The following FGF12 variants were observed in gnomAD, a reference collection of about 807,000 sequenced individuals.
The protein encoded by FGF12 is fibroblast growth factor 12.
A neutral mutation model predicts 23.6 loss-of-function variants in FGF12; 14 were observed. That is an observed-to-expected ratio of 0.59 (90% confidence interval 0.39 to 0.93). The LOEUF (loss-of-function observed/expected upper bound fraction) is 0.93, where lower values mean the gene tolerates loss of function less well. Ranked by LOEUF, FGF12 falls within the 40% of genes least tolerant of loss-of-function variation. The pLI is 0.00. For synonymous variants in FGF12, 62 were observed against 77.3 expected (o/e 0.80, Z 1.04); for missense variants, 175 against 217.8 (o/e 0.80, Z 1.24).
Position 192,336,630 on chromosome 3 carries a change from A to T in FGF12, c.125-1166T>A, listed in dbSNP as rs1345189611. 6.6e-6 allele frequency among the ~76,000 whole-genome samples: 1 copy of T among 152,192 alleles called. No homozygotes were observed. Among genetic ancestry groups the T allele is most frequent in the Non-Finnish European group, 1.5e-5 (1 of 68,022 alleles). Reference sequence around the variant, plus strand: ...TTCATTTCAGTATCCTGGCTTAATTAGAAGTTCTTATCCACTTTTTCTGTT... The same window carrying T: ...TTCATTTCAGTATCCTGGCTTAATTTGAAGTTCTTATCCACTTTTTCTGTT... On this transcript the variant is annotated intron_variant, in intron 3 of 5. Coordinates refer to ENST00000445105, the MANE Select transcript of FGF12 (RefSeq NM_004113.6). The surrounding 1 kb of genome is among the most constrained non-coding windows in gnomAD (Gnocchi z 4.3).
At chr3:192,593,233 C>T (rs554929214) in intron 2 of FGF12, among the ~76,000 whole-genome samples, 17 of 151,938 alleles carry the variant, frequency 1.1e-4, no homozygotes, top group South Asian at 2.1e-4. Flanking sequence ...CCTCAGGCCT[C>T]TGCACAAGCT....
At chr3:192,176,792 C>T (rs573090003) in intron 4 of FGF12, among the ~76,000 whole-genome samples, 115 of 152,274 alleles carry the variant, frequency 7.6e-4, no homozygotes, top group Admixed American at 2.1e-3. Context: ...AACAACCATT[C>T]ATTTATAGGT....
intron 2 of FGF12, among the ~76,000 whole-genome samples, chr3:192,637,094 C>A (rs1043087537): frequency 9.2e-5 from 14 of 152,200 alleles, no homozygotes; most frequent in Admixed American, 6.5e-5. Flanking sequence ...CTTTATTCTT[C>A]CTTTTATAGC....
intron 2 of FGF12, among the ~76,000 whole-genome samples, chr3:192,454,302 T>A (rs1391341169): frequency 6.6e-6 from 1 of 152,184 alleles, no homozygotes; most frequent in Non-Finnish European, 1.5e-5. Flanking sequence ...CCTCCCAAAG[T>A]GCTGGGATTT....
At chr3:192,538,319 T>A (rs1373598663) in intron 2 of FGF12, among the ~76,000 whole-genome samples, 3 of 152,130 alleles carry the variant, frequency 2.0e-5, no homozygotes, top group African/African-American at 7.2e-5. Context: ...GGGGTCTAGT[T>A]CCATTCCGCT....
chr3:192,223,818 CA>C (rs1471395965), intron 4 of FGF12, among the ~76,000 whole-genome samples: 1 of 151,982 alleles, frequency 6.6e-6, no homozygotes, highest in Admixed American at 6.6e-5. Context: ...CACTACTAAA[CA>C]ATATAATGAT....
At chr3:192,235,545 A>G (rs1719249826) in intron 4 of FGF12, among the ~76,000 whole-genome samples, 1 of 152,002 alleles carries the variant, frequency 6.6e-6, no homozygotes, top group Non-Finnish European at 1.5e-5. Context: ...GATGGTCTCG[A>G]TCTCTTGACC....
In FGF12 at chr3:192,644,138, AT is replaced by A. The variant is rs531876153; in HGVS notation, c.13+83042del. Among the ~76,000 whole-genome samples the A allele has an allele frequency of 1.4e-3, 219 of 152,136 alleles. 7 individuals are homozygous for A. The South Asian group carries it at 0.044, about 31-fold the overall frequency. On this transcript the variant is annotated intron_variant, in intron 2 of 5. Transcript: ENST00000445105. Reference sequence around the variant, plus strand: ...GTTTGATCATATTGCTTCCCTAACAATTTTTTTTAGTTGGTGATGTCCACTG... The same window carrying A: ...GTTTGATCATATTGCTTCCCTAACAATTTTTTTAGTTGGTGATGTCCACTG...
At chr3:192,539,673 T>C (rs1725317332) in intron 2 of FGF12, among the ~76,000 whole-genome samples, 1 of 152,170 alleles carries the variant, frequency 6.6e-6, no homozygotes, top group Non-Finnish European at 1.5e-5. Context: ...TATGATAAGT[T>C]TGGAAGTATT....
At chr3:192,550,213 T>G (rs1015728222) in intron 2 of FGF12, among the ~76,000 whole-genome samples, 1 of 151,312 alleles carries the variant, frequency 6.6e-6, no homozygotes, top group African/African-American at 2.4e-5. Context: ...TCAGAGACCA[T>G]ACACATATGT....
chr3:192,489,411 T>C (rs1723734097), intron 2 of FGF12, among the ~76,000 whole-genome samples: 1 of 152,060 alleles, frequency 6.6e-6, no homozygotes, highest in Non-Finnish European at 1.5e-5. Flanking sequence ...AAGACCCATT[T>C]AATGGCCTAT....
chr3:192,227,450 T>TATCCTAAATGC (rs1218551602), intron 4 of FGF12, among the ~76,000 whole-genome samples: 1 of 152,036 alleles, frequency 6.6e-6, no homozygotes, highest in Non-Finnish European at 1.5e-5. Context: ...ATCCGAAATG[T>TATCCTAAATGC]ACCCTAAATG....
chr3:192,180,711 T>A (rs1577209434), intron 4 of FGF12, among the ~76,000 whole-genome samples: 1 of 152,208 alleles, frequency 6.6e-6, no homozygotes, highest in East Asian at 1.9e-4. Context: ...CTGTATCAAC[T>A]CCCATGAAGT....
chr3:192,666,304 GCAAA>G (rs1426002991), intron 2 of FGF12, among the ~76,000 whole-genome samples: 4 of 152,096 alleles, frequency 2.6e-5, no homozygotes, highest in Non-Finnish European at 5.9e-5. Flanking sequence ...CTACAAAGCA[GCAAA>G]CAGTTTATCA....
intron 2 of FGF12, among the ~76,000 whole-genome samples, chr3:192,388,792 G>A (rs926660649): frequency 6.6e-6 from 1 of 151,696 alleles, no homozygotes; most frequent in African/African-American, 2.4e-5. Flanking sequence ...ATTCAAGTTT[G>A]AAAAATATAT....
At chr3:192,552,799 G>A (rs920768941) in intron 2 of FGF12, among the ~76,000 whole-genome samples, 8 of 152,082 alleles carry the variant, frequency 5.3e-5, no homozygotes, top group East Asian at 3.9e-4. Context: ...GCTGAGGCAT[G>A]AAAATCGCTT....
At chr3:192,709,172 A>G (rs1252792589) in intron 2 of FGF12, among the ~76,000 whole-genome samples, 1 of 152,182 alleles carries the variant, frequency 6.6e-6, no homozygotes, top group Non-Finnish European at 1.5e-5. Flanking sequence ...TCATCCAGAC[A>G]ACTATCCCCT....
intron 4 of FGF12, among the ~76,000 whole-genome samples, chr3:192,206,292 A>G (rs973740245): frequency 2.6e-5 from 4 of 152,238 alleles, no homozygotes; most frequent in African/African-American, 9.6e-5. Flanking sequence ...ACAAAGGATC[A>G]TAGATCATAG....
intron 2 of FGF12, among the ~76,000 whole-genome samples, chr3:192,596,593 C>A (rs187353698): frequency 1.3e-3 from 200 of 152,222 alleles, no homozygotes; most frequent in African/African-American, 4.6e-3. Flanking sequence ...ATGGCAAAGC[C>A]AGGGCTAGCA....
Sources: allele counts gnomAD v4.1 joint callset (sites outside exome capture counted in the v4.1 genomes callset), GRCh38; gene constraint gnomAD v4.1.1; non-coding constraint Gnocchi (gnomAD v3.1); transcripts MANE v1.5; gene names NCBI Gene and HGNC (gene_info 2026-07-23, HGNC 2026-07-21).